The following PPP3CA variants were observed in gnomAD, a reference collection of about 807,000 sequenced individuals.
PPP3CA encodes protein phosphatase 3 catalytic subunit alpha.
In PPP3CA, 14 loss-of-function variants were observed where a neutral mutation model predicts 66.5. The ratio of observed to expected loss-of-function variants is 0.21; its 90% CI spans 0.14 to 0.33. PPP3CA has a LOEUF of 0.33. Ranked by LOEUF, PPP3CA falls within the 10% of genes least tolerant of loss-of-function variation. The pLI, the probability that PPP3CA is intolerant of heterozygous loss-of-function variation, is 1.00. For synonymous variants in PPP3CA, 232 were observed against 226.2 expected (o/e 1.03, Z -0.23); for missense variants, 317 against 639.5 (o/e 0.50, Z 5.44).
chr4:101,064,200 C>G (rs961853273), intron 8 of PPP3CA, among the ~76,000 whole-genome samples: 4 of 151,900 alleles, frequency 2.6e-5, no homozygotes, highest in African/African-American at 9.7e-5. Flanking sequence ...TCTGTGAGTA[C>G]TTTCAATAAA....
At chr4:101,248,763 A>G (rs1156258629) in intron 1 of PPP3CA, among the ~76,000 whole-genome samples, 1 of 152,210 alleles carries the variant, frequency 6.6e-6, no homozygotes, top group African/African-American at 2.4e-5. Context: ...ATGAAATTCA[A>G]TTTATTTCTT....
At chr4:101,310,397 C>G (rs1728685087) in intron 1 of PPP3CA, among the ~76,000 whole-genome samples, 1 of 152,024 alleles carries the variant, frequency 6.6e-6, no homozygotes, top group Admixed American at 6.6e-5. Context: ...ATTATATAAA[C>G]TACATTTTAA....
intron 1 of PPP3CA, among the ~76,000 whole-genome samples, chr4:101,221,523 C>T (rs1261143331): frequency 2.6e-5 from 4 of 151,468 alleles, no homozygotes; most frequent in Non-Finnish European, 5.9e-5. Context: ...TAAAAACAAC[C>T]ACAATTCCCA....
intron 10 of PPP3CA, among the ~76,000 whole-genome samples, chr4:101,055,716 T>C (rs1199512902): frequency 6.6e-6 from 1 of 152,066 alleles, no homozygotes; most frequent in Admixed American, 6.6e-5. Flanking sequence ...ACCTAAATTT[T>C]TTACAAGATG....
At chr4:101,035,609 T>C (rs549265845) in intron 11 of PPP3CA, among the ~76,000 whole-genome samples, 6 of 152,306 alleles carry the variant, frequency 3.9e-5, no homozygotes, top group Admixed American at 6.5e-5. Context: ...GAAGATTAAA[T>C]GATACACTGT....
chr4:101,341,286 T>C (rs990949287), intron 1 of PPP3CA, among the ~76,000 whole-genome samples: 6 of 151,504 alleles, frequency 4.0e-5, no homozygotes, highest in Admixed American at 1.3e-4. Context: ...GCTAGGATTA[T>C]AGGTGTGAGC....
chr4:101,341,184 T>C (rs1729802607), intron 1 of PPP3CA, among the ~76,000 whole-genome samples: 1 of 144,326 alleles, frequency 6.9e-6, no homozygotes, highest in East Asian at 2.1e-4. Context: ...CCAAAAGAAG[T>C]GGCCATTTTC....
intron 1 of PPP3CA, among the ~76,000 whole-genome samples, chr4:101,333,826 A>G: frequency 6.6e-6 from 1 of 152,204 alleles, no homozygotes; most frequent in East Asian, 1.9e-4. Context: ...CTGCATTCCC[A>G]CAGTAGGATG....
intron 10 of PPP3CA, among the ~76,000 whole-genome samples, chr4:101,045,050 T>C (rs1727698429): frequency 6.6e-6 from 1 of 152,248 alleles, no homozygotes; most frequent in South Asian, 2.1e-4. Flanking sequence ...GTTACCACTG[T>C]GGAGCTACTA....
At chr4:101,073,886 G>A (rs1729031557) in intron 8 of PPP3CA, among the ~76,000 whole-genome samples, 1 of 152,154 alleles carries the variant, frequency 6.6e-6, no homozygotes, top group Non-Finnish European at 1.5e-5. Flanking sequence ...TGCCCTGACT[G>A]TATGTTTACG....
chr4:101,160,421 A>C (rs1352758188), intron 2 of PPP3CA, among the ~76,000 whole-genome samples: 1 of 152,158 alleles, frequency 6.6e-6, no homozygotes, highest in African/African-American at 2.4e-5. Flanking sequence ...CTCAAACTTT[A>C]ATATTCATCA....
chr4:101,208,704 T>A (rs1275152547), intron 1 of PPP3CA, among the ~76,000 whole-genome samples: 1 of 152,204 alleles, frequency 6.6e-6, no homozygotes, highest in African/African-American at 2.4e-5. Context: ...AAAAGATACA[T>A]GTCTTATGTG....
chr4:101,032,315 T>C lies in PPP3CA; in HGVS notation c.1291A>G (p.Met431Val), dbSNP rs1175529557. 1.2e-6 allele frequency: 2 copies of C among 1,612,430 alleles called. No homozygotes were observed. Among genetic ancestry groups the C allele is most frequent in the African/African-American group, 1.3e-5 (1 of 74,832 alleles). Residue 431 changes from methionine (M) to valine (V), a missense_variant, in exon 12 of 14, where the codon ATG becomes GTG. Coordinates refer to ENST00000394854, the MANE Select transcript of PPP3CA (RefSeq NM_000944.5). ...LTLKGLTPTG[M>V]LPSGVLSGGK... The stretch of plus-strand genomic sequence containing the variant: ...CCAGAAAGTACTCCGCTGGGGAGCA[T>C]GCCAGTTGGGGTCAAGCCTTTCAGC...
intron 2 of PPP3CA, among the ~76,000 whole-genome samples, chr4:101,128,040 C>T (rs1231205240): frequency 6.6e-6 from 1 of 152,140 alleles, no homozygotes; most frequent in Non-Finnish European, 1.5e-5. Context: ...GACTTTCTGC[C>T]ATCATAAGCC....
At chr4:101,177,416 G>A (rs950177) in intron 2 of PPP3CA, among the ~76,000 whole-genome samples, 68,208 of 151,800 alleles carry the variant, frequency 0.45, 18,062 homozygotes, top group Middle Eastern at 0.63. Flanking sequence ...ACAATCTCTC[G>A]GGATTCCTGA....
chr4:101,279,043 GA>G (rs1333884211), intron 1 of PPP3CA, among the ~76,000 whole-genome samples: 2 of 152,128 alleles, frequency 1.3e-5, no homozygotes, highest in Non-Finnish European at 1.5e-5. Flanking sequence ...ATCAGACTTA[GA>G]AGCATAAAAT....
At chr4:101,032,435 G>GAA in intron 11 of PPP3CA, 71 bp from the exon 12 acceptor site, 1 of 1,305,388 alleles carries the variant, frequency 7.7e-7, no homozygotes, top group African/African-American at 1.5e-5. Context: ...TGACTGAAAG[G>GAA]AAAAAAAATG....
chr4:101,292,175 G>T (rs969112940), intron 1 of PPP3CA, among the ~76,000 whole-genome samples: 3 of 151,434 alleles, frequency 2.0e-5, no homozygotes, highest in African/African-American at 7.3e-5. Flanking sequence ...AAGTTCTAAA[G>T]TCTTTAAGGG....
chr4:101,234,831 C>CT (rs35449566), intron 1 of PPP3CA, among the ~76,000 whole-genome samples: 10 of 151,672 alleles, frequency 6.6e-5, no homozygotes, highest in Non-Finnish European at 1.5e-5. Context: ...TTAATCACAG[C>CT]TTTTTTGCCC....
Sources: allele counts gnomAD v4.1 joint callset (sites outside exome capture counted in the v4.1 genomes callset), GRCh38; gene constraint gnomAD v4.1.1; transcripts MANE v1.5; gene names NCBI Gene and HGNC (gene_info 2026-07-23, HGNC 2026-07-21).